The following EEF2K variants were observed in gnomAD, a reference collection of about 807,000 sequenced individuals.
The protein encoded by EEF2K is eukaryotic elongation factor 2 kinase.
Under a neutral mutation model 93.8 loss-of-function variants are expected in EEF2K, and 70 were observed. The observed-to-expected ratio is 0.75, with a 90% confidence interval of 0.62 to 0.91. The LOEUF (loss-of-function observed/expected upper bound fraction) is 0.91, where lower values mean the gene tolerates loss of function less well. Among genes scored for constraint, EEF2K ranks in the 40% least tolerant of loss-of-function variants. The pLI is 0.00. For missense variants in EEF2K, 935 were observed against 972.9 expected (o/e 0.96, Z 0.52); for synonymous variants, 376 against 380.8 (o/e 0.99, Z 0.15).
intron 1 of EEF2K, among the ~76,000 whole-genome samples, chr16:22,211,714 C>T (rs1567256265): frequency 6.6e-6 from 1 of 152,118 alleles, no homozygotes; most frequent in Non-Finnish European, 1.5e-5. Flanking sequence ...CTGCCTGCCT[C>T]GGTCTCCCAA....
rs1567285745 is a variant in EEF2K at position 22,266,677 on chromosome 16, CTG to C, written c.1576-6_1576-5del. ...CAGACAGCCAGGCCGACACCGTAGT[CTG>C]TGTGGCAGGTCCATCTGGCCATGGT... is the stretch of plus-strand genomic sequence containing the variant. On this transcript the variant is annotated splice_polypyrimidine_tract_variant and intron_variant, in intron 14 of 17. Coordinates refer to ENST00000263026, the MANE Select transcript of EEF2K (RefSeq NM_013302.5). The C allele has an allele frequency of 1.9e-6, 3 of 1,603,714 alleles. No homozygotes were observed. The highest frequency in any genetic ancestry group is 1.7e-4 in the Middle Eastern group (1 of 5,874).
At chr16:22,215,825 C>A (rs1475292930) in intron 1 of EEF2K, among the ~76,000 whole-genome samples, 1 of 151,958 alleles carries the variant, frequency 6.6e-6, no homozygotes, top group Non-Finnish European at 1.5e-5. Flanking sequence ...CTCGGGAGGC[C>A]GAGGCAGAAG....
intron 2 of EEF2K, among the ~76,000 whole-genome samples, chr16:22,240,316 T>C (rs1309975663): frequency 1.3e-5 from 2 of 152,208 alleles, no homozygotes; most frequent in Non-Finnish European, 2.9e-5. Flanking sequence ...AAATAACTTA[T>C]AAATTTTATA....
At chr16:22,271,485 T>G (rs1307695074) in intron 15 of EEF2K, among the ~76,000 whole-genome samples, 1 of 151,908 alleles carries the variant, frequency 6.6e-6, no homozygotes, top group African/African-American at 2.4e-5. Flanking sequence ...GTCCAGGAGT[T>G]TCAGACCAGC....
intron 1 of EEF2K, among the ~76,000 whole-genome samples, chr16:22,222,697 G>A (rs1244679543): frequency 3.6e-5 from 4 of 111,590 alleles, no homozygotes; most frequent in East Asian, 6.6e-4. Context: ...GTGAAACCCC[G>A]TCCCTAAAAA....
intron 10 of EEF2K, among the ~76,000 whole-genome samples, chr16:22,259,712 C>G (rs1056653885): frequency 6.6e-6 from 1 of 151,582 alleles, no homozygotes; most frequent in Non-Finnish European, 1.5e-5. Flanking sequence ...GGGCAGGAGA[C>G]AGAGATAGGG....
chr16:22,224,420 C>T (rs1432557998), intron 1 of EEF2K, among the ~76,000 whole-genome samples: 1 of 151,846 alleles, frequency 6.6e-6, no homozygotes, highest in East Asian at 1.9e-4. Context: ...CACTTGAGCC[C>T]AGGAGATTGA....
rs1355451549 is a variant in EEF2K, at chr16:22,262,031, A to ACG, written c.1300-1078_1300-1077insGC. On this transcript the variant is annotated intron_variant, in intron 11 of 17. Coordinates refer to ENST00000263026, the MANE Select transcript of EEF2K (RefSeq NM_013302.5). ...CACACACACACACACACACACACAC[A>ACG]CACACAGAAAAGATACTTCTTAGAA... 7.8e-4 allele frequency among the ~76,000 whole-genome samples: 118 copies of ACG among 151,992 alleles called. 2 individuals carry two copies. Among genetic ancestry groups the ACG allele is most frequent in the African/African-American group, 2.7e-3 (113 of 41,450 alleles).
chr16:22,282,115 T>C (rs1437607886), intron 17 of EEF2K, among the ~76,000 whole-genome samples: 3 of 152,082 alleles, frequency 2.0e-5, no homozygotes, highest in Non-Finnish European at 4.4e-5. Context: ...ATTGTTTTAA[T>C]TAACTGAGTG....
chr16:22,257,458 C>A, intron 8 of EEF2K, 73 bp downstream of exon 8: 1 of 1,582,574 alleles, frequency 6.3e-7, no homozygotes, highest in South Asian at 1.2e-5. Flanking sequence ...CTTCGTACAG[C>A]CAAGGAAACA....
chr16:22,250,338 T>TACAGG (rs1332931883), intron 4 of EEF2K, among the ~76,000 whole-genome samples: 25 of 152,204 alleles, frequency 1.6e-4, no homozygotes. Flanking sequence ...CTCCACTTTT[T>TACAGG]TTCTCTTACA....
rs2047729108 is a variant in EEF2K at position 22,284,164 on chromosome 16, T to G, written c.*168T>G. 12 of 669,428 alleles carry G rather than the reference T, an allele frequency of 1.8e-5. No individual in the cohort carries two copies. In the South Asian group the frequency reaches 2.1e-4, roughly 12 times the overall value. The allele number at this position is 669,428 out of a possible 1,614,324, so 41.5% of individuals were successfully genotyped here. A position where few individuals can be genotyped will look rare whatever the true frequency, so the allele number is the denominator to read the frequency against. ...ACTCTTGAAAAATGTCTTTGCTCCTTGGCAGCTACCAGCAGAGACTCTATA... is the reference window on the plus strand; with the variant it reads ...ACTCTTGAAAAATGTCTTTGCTCCTGGGCAGCTACCAGCAGAGACTCTATA... On this transcript the variant is annotated 3_prime_UTR_variant, in exon 18 of 18. Coordinates refer to ENST00000263026, the MANE Select transcript of EEF2K (RefSeq NM_013302.5).
chr16:22,253,216 G>A (rs769747302), intron 6 of EEF2K, among the ~76,000 whole-genome samples: 10 of 152,160 alleles, frequency 6.6e-5, no homozygotes, highest in East Asian at 3.9e-4. Context: ...GTTGCCTTTC[G>A]GCATTTGAGG....
intron 2 of EEF2K, 51 bp from the exon 3 acceptor site, chr16:22,244,579 A>C: frequency 6.3e-7 from 1 of 1,592,508 alleles, no homozygotes; most frequent in East Asian, 2.2e-5. Context: ...GCTGTCCCCA[A>C]AGCCCCTGAC....
intron 16 of EEF2K, among the ~76,000 whole-genome samples, chr16:22,277,387 GGCCTCCCAAAGT>G (rs1448689857): frequency 6.6e-6 from 1 of 152,064 alleles, no homozygotes; most frequent in Non-Finnish European, 1.5e-5. Context: ...CTCCAACCTA[GGCCTCCCAAAGT>G]GCTGGGATCA....
intron 17 of EEF2K, among the ~76,000 whole-genome samples, chr16:22,281,772 T>C (rs12103372): frequency 0.047 from 7,101 of 152,298 alleles, 547 homozygotes; most frequent in African/African-American, 0.16. Context: ...CATAACTTTT[T>C]CAAGATTCAT....
intron 2 of EEF2K, among the ~76,000 whole-genome samples, chr16:22,228,477 C>T (rs1258679072): frequency 2.6e-5 from 4 of 152,004 alleles, no homozygotes; most frequent in South Asian, 2.1e-4. Flanking sequence ...AAAAATTAGC[C>T]GGGCATGGTG....
intron 1 of EEF2K, among the ~76,000 whole-genome samples, chr16:22,213,285 A>AG (rs2046932139): frequency 6.6e-6 from 1 of 152,194 alleles, no homozygotes. Context: ...ATCTCAAAAA[A>AG]CAAAAGAAAG....
chr16:22,221,256 G>A (rs2047008704), intron 1 of EEF2K, among the ~76,000 whole-genome samples: 1 of 152,016 alleles, frequency 6.6e-6, no homozygotes, highest in Non-Finnish European at 1.5e-5. Flanking sequence ...GGAGGCCAAG[G>A]TGGGAGGATC....
Sources: allele counts gnomAD v4.1 joint callset (sites outside exome capture counted in the v4.1 genomes callset), GRCh38; gene constraint gnomAD v4.1.1; transcripts MANE v1.5; gene names NCBI Gene and HGNC (gene_info 2026-07-23, HGNC 2026-07-21).